XKR4: variants seen among roughly 807,000 people sequenced by gnomAD.
XKR4 encodes XK-related protein 4.
A neutral mutation model predicts 53.9 loss-of-function variants in XKR4; 12 were observed. The ratio of observed to expected loss-of-function variants is 0.22; its 90% CI spans 0.14 to 0.36. The LOEUF is 0.36. XKR4 is among the 10% of genes least tolerant of loss of function. The pLI, the probability that XKR4 is intolerant of heterozygous loss-of-function variation, is 1.00. For synonymous variants in XKR4, 354 were observed against 362.4 expected, an observed-to-expected ratio of 0.98 and a Z score of 0.26; for missense variants, 799 against 859.5, an observed-to-expected ratio of 0.93 and a Z score of 0.88.
In XKR4 at chr8:55,344,594, A is replaced by G. The variant is rs189078982; in HGVS notation, c.807-13084A>G. The stretch of plus-strand genomic sequence containing the variant: ...TCAAGCCACTCTTCTCCATTTGAAT[A>G]CACATTTTACTGTTAAAATATTTGC... On this transcript the variant is annotated intron_variant, in intron 1 of 2. Transcript: ENST00000327381. Among the ~76,000 whole-genome samples the G allele has an allele frequency of 2.6e-3, 396 of 152,340 alleles. 3 individuals carry two copies. Among genetic ancestry groups the G allele is most frequent in the African/African-American group, 8.9e-3 (369 of 41,578 alleles).
At chr8:55,477,512 A>G in intron 2 of XKR4, among the ~76,000 whole-genome samples, 1 of 152,188 alleles carries the variant, frequency 6.6e-6, no homozygotes, top group Non-Finnish European at 1.5e-5. Flanking sequence ...TCTTCCTCCA[A>G]AGGAATGCAG....
chr8:55,451,464 C>G lies in XKR4; in HGVS notation c.1007-71817C>G, dbSNP rs1000145506. The G allele has an allele frequency of 4.8e-6, 6 of 1,252,834 alleles. No homozygotes were observed. In the African/African-American group the frequency reaches 8.9e-5, roughly 19 times the overall value. The allele number at this position is 1,252,834 out of a possible 1,614,324, so 77.6% of individuals were successfully genotyped here. A position where few individuals can be genotyped will look rare whatever the true frequency, so the allele number is the denominator to read the frequency against. On this transcript the variant is annotated intron_variant, in intron 2 of 2. Transcript: ENST00000327381. ...CAGCCTGCAGGTACTTCTCCTGCTC[C>G]AGGCTACTCGAGTCTGCCTGGAACT...
intron 1 of XKR4, among the ~76,000 whole-genome samples, chr8:55,321,880 T>C (rs147191756): frequency 0.028 from 4,253 of 152,194 alleles, 193 homozygotes; most frequent in African/African-American, 0.095. Flanking sequence ...TCCCAGCTAC[T>C]TGAGAGGCTG....
chr8:55,466,349 G>A (rs937151044), intron 2 of XKR4, among the ~76,000 whole-genome samples: 3 of 152,000 alleles, frequency 2.0e-5, no homozygotes, highest in African/African-American at 7.3e-5. Context: ...CATGGATGAA[G>A]CTGGAAACCA....
chr8:55,452,440 T>C, intron 2 of XKR4: 1 of 625,518 alleles, frequency 1.6e-6, no homozygotes, highest in Non-Finnish European at 2.9e-6. Flanking sequence ...CACCCCGCAC[T>C]GCCCGCCCTC....
chr8:55,473,328 A>G (rs1474763641), intron 2 of XKR4, among the ~76,000 whole-genome samples: 1 of 152,128 alleles, frequency 6.6e-6, no homozygotes, highest in Non-Finnish European at 1.5e-5. Context: ...GTGATAGCCA[A>G]TATCTTCTCC....
At chr8:55,421,831 A>C (rs1170180450) in intron 2 of XKR4, among the ~76,000 whole-genome samples, 4 of 152,246 alleles carry the variant, frequency 2.6e-5, no homozygotes, top group African/African-American at 9.6e-5. Flanking sequence ...CTTTGGAAGA[A>C]AGAATGAGAC....
chr8:55,136,538 G>A lies in XKR4; in HGVS notation c.806+33244G>A, dbSNP rs552320518. 8.5e-5 allele frequency among the ~76,000 whole-genome samples: 13 copies of A among 152,292 alleles called. No homozygotes were observed. In the East Asian group the frequency reaches 2.1e-3, roughly 25 times the overall value. On this transcript the variant is annotated intron_variant, in intron 1 of 2. Coordinates refer to ENST00000327381, the MANE Select transcript of XKR4 (RefSeq NM_052898.2). ...ATTGAATATAATATCAACGCTCCACGAATAGTCTAAATGCCTTTAATGACT... is the reference window on the plus strand; with the variant it reads ...ATTGAATATAATATCAACGCTCCACAAATAGTCTAAATGCCTTTAATGACT...
chr8:55,145,998 T>C (rs1456745857), intron 1 of XKR4, among the ~76,000 whole-genome samples: 2 of 152,214 alleles, frequency 1.3e-5, no homozygotes, highest in African/African-American at 4.8e-5. Context: ...TGGCTTATGT[T>C]TATTGATTGG....
chr8:55,329,376 T>C (rs528472118), intron 1 of XKR4, among the ~76,000 whole-genome samples: 17 of 152,200 alleles, frequency 1.1e-4, no homozygotes, highest in Admixed American at 1.1e-3. Context: ...GAGATTTTTT[T>C]TTTTGCACTT....
At position 55,441,806 on chromosome 8, in the gene XKR4, A is replaced by G. The variant is rs571231775; in HGVS notation, c.1007-81475A>G. ...TGTAAATTGAAAAATAATTTGGATG[A>G]AATGCAATAAAAGCATGATATATTA... On this transcript the variant is annotated intron_variant, in intron 2 of 2. Coordinates refer to ENST00000327381, the MANE Select transcript of XKR4 (RefSeq NM_052898.2). 4.9e-4 allele frequency among the ~76,000 whole-genome samples: 74 copies of G among 152,354 alleles called. 1 individual carries two copies. The Middle Eastern group carries it at 0.01, about 21-fold the overall frequency.
At chr8:55,422,972 G>T (rs1434761529) in intron 2 of XKR4, among the ~76,000 whole-genome samples, 2 of 152,162 alleles carry the variant, frequency 1.3e-5, no homozygotes, top group African/African-American at 4.8e-5. Flanking sequence ...CAGGTAATAG[G>T]CTTATTTAGA....
At chr8:55,452,655 C>G in intron 2 of XKR4, 1 of 1,430,324 alleles carries the variant, frequency 7.0e-7, no homozygotes, top group Non-Finnish European at 9.8e-7. Flanking sequence ...GAGGTGGTCA[C>G]TGGTGACCCC....
At chr8:55,298,829 AAT>A (rs1319155493) in intron 1 of XKR4, among the ~76,000 whole-genome samples, 1 of 152,146 alleles carries the variant, frequency 6.6e-6, no homozygotes, top group Admixed American at 6.5e-5. Context: ...ATGTGTGTAA[AAT>A]TTTTTCTGAG....
intron 2 of XKR4, among the ~76,000 whole-genome samples, chr8:55,486,489 TAA>T (rs961645024): frequency 1.3e-5 from 2 of 152,242 alleles, no homozygotes; most frequent in Non-Finnish European, 2.9e-5. Flanking sequence ...TAGAACTCTC[TAA>T]AAGTCTCTGC....
chr8:55,454,056 G>A (rs757675001), intron 2 of XKR4: 5 of 840,864 alleles, frequency 5.9e-6, no homozygotes, highest in Non-Finnish European at 1.0e-5. Flanking sequence ...AGCAGCTGAT[G>A]GAAGAGCCGC....
intron 1 of XKR4, among the ~76,000 whole-genome samples, chr8:55,160,088 T>G (rs1816963742): frequency 6.6e-6 from 1 of 152,182 alleles, no homozygotes; most frequent in Admixed American, 6.5e-5. Context: ...AAGTAGGGAA[T>G]TAGTGCACTA....
chr8:55,135,114 CAATTACATT>C (rs1353281354), intron 1 of XKR4: 1 of 152,406 alleles, frequency 6.6e-6, no homozygotes, highest in Non-Finnish European at 1.5e-5. Flanking sequence ...GCAAAAGCCG[CAATTACATT>C]TGTACCAACC....
chr8:55,254,308 T>C (rs944081966), intron 1 of XKR4, among the ~76,000 whole-genome samples: 3 of 152,006 alleles, frequency 2.0e-5, no homozygotes, highest in Non-Finnish European at 1.5e-5. Context: ...CTGAACACAT[T>C]TTAAACACAC....
Sources: allele counts gnomAD v4.1 joint callset (sites outside exome capture counted in the v4.1 genomes callset), GRCh38; gene constraint gnomAD v4.1.1; transcripts MANE v1.5; gene names NCBI Gene and HGNC (gene_info 2026-07-23, HGNC 2026-07-21).